Variants in MSRA observed in about 807,000 individuals in gnomAD.
MSRA encodes the protein mitochondrial peptide methionine sulfoxide reductase.
MSRA carries 54 observed loss-of-function variants against 31.3 expected under a neutral mutation model. The observed-to-expected ratio is 1.73, with a 90% CI of 1.39 to 2.17. The LOEUF is 2.17. MSRA is among the 30% of genes most tolerant of loss of function. MSRA has a pLI of 0.00. For missense variants in MSRA, 507 were observed against 300.9 expected (o/e 1.69, Z -5.07); for synonymous variants, 169 against 116.5 (o/e 1.45, Z -2.90).
Position 10,428,145 on chromosome 8 carries a change from C to G in MSRA, c.544-3C>G. The G allele has an allele frequency of 3.7e-6, 6 of 1,610,840 alleles. No individual in the cohort carries two copies. Among genetic ancestry groups the G allele is most frequent in the Non-Finnish European group, 5.1e-6 (6 of 1,179,180 alleles). ...CTGATGGCGCCTTTCTGTGTCCCCA[C>G]AGGTTCTTTCAGAGCACGGCTTCGG... On this transcript the variant is annotated splice_region_variant and splice_polypyrimidine_tract_variant and intron_variant, in intron 5 of 5. Transcript: ENST00000317173.
At chr8:10,349,859 G>T (rs1311078136) in intron 5 of MSRA, among the ~76,000 whole-genome samples, 1 of 152,226 alleles carries the variant, frequency 6.6e-6, no homozygotes, top group Non-Finnish European at 1.5e-5. Flanking sequence ...GAGGCTCACT[G>T]CTGCTAGCAT....
chr8:10,394,372 C>G (rs1276077851), intron 5 of MSRA, among the ~76,000 whole-genome samples: 3 of 152,140 alleles, frequency 2.0e-5, no homozygotes, highest in Non-Finnish European at 4.4e-5. Flanking sequence ...CCCTAGCCAC[C>G]CCACCCCAGC....
At chr8:10,082,855 C>T (rs958602355) in intron 1 of MSRA, among the ~76,000 whole-genome samples, 7 of 152,276 alleles carry the variant, frequency 4.6e-5, no homozygotes, top group African/African-American at 1.4e-4. Context: ...ACCAAAGTGC[C>T]GTGAACAGAG....
chr8:10,081,196 G>C (rs10097035), intron 1 of MSRA, among the ~76,000 whole-genome samples: 6 of 152,176 alleles, frequency 3.9e-5, no homozygotes, highest in African/African-American at 1.4e-4. Flanking sequence ...AGAACTAGGC[G>C]GATGGGGCAG....
chr8:10,111,596 T>C (rs1800287296), intron 1 of MSRA, among the ~76,000 whole-genome samples: 1 of 152,078 alleles, frequency 6.6e-6, no homozygotes, highest in African/African-American at 2.4e-5. Context: ...TATTTCCAAG[T>C]GGTTTAAAGG....
chr8:10,214,361 C>T (rs139599430), intron 2 of MSRA, among the ~76,000 whole-genome samples: 1 of 152,070 alleles, frequency 6.6e-6, no homozygotes. Context: ...CACAAGAAAT[C>T]GTTTCCTGTC....
chr8:10,428,868 A>T lies in MSRA; in HGVS notation c.*556A>T. The stretch of plus-strand genomic sequence containing the variant: ...CTATGAGAAATGTTTGTTTTAATAA[A>T]AACCTACAGTCCAATAATGCCAACT... On this transcript the variant is annotated 3_prime_UTR_variant, in exon 6 of 6. Coordinates refer to ENST00000317173, the MANE Select transcript of MSRA (RefSeq NM_012331.5). 6.5e-6 allele frequency: 1 copy of T among 153,062 alleles called. No individual in the cohort carries two copies. The highest frequency in any genetic ancestry group is 1.5e-5 in the Non-Finnish European group (1 of 68,606). The allele number at this position is 153,062 out of a possible 1,614,324, so 9.5% of individuals were successfully genotyped here.
chr8:10,145,887 G>A (rs1803100936), intron 1 of MSRA, among the ~76,000 whole-genome samples: 1 of 152,120 alleles, frequency 6.6e-6, no homozygotes, highest in Non-Finnish European at 1.5e-5. Flanking sequence ...CAATATCATT[G>A]TTTCATCATT....
intron 1 of MSRA, among the ~76,000 whole-genome samples, chr8:10,070,760 A>G (rs537994951): frequency 1.3e-5 from 2 of 151,890 alleles, no homozygotes; most frequent in East Asian, 3.9e-4. Context: ...ATAGTATGTA[A>G]CCTCTTGGGA....
In MSRA at chr8:10,302,187, A is replaced by G. The variant is rs114677739; in HGVS notation, c.436+549A>G. Among the ~76,000 whole-genome samples, 1,032 of 152,354 alleles carry G rather than the reference A, an allele frequency of 6.8e-3. 2 individuals are homozygous for G. Among genetic ancestry groups the G allele is most frequent in the South Asian group, 8.1e-3 (39 of 4,834 alleles). Reference sequence around the variant, plus strand: ...TCTTTGGAATTTGTTATGTGGAGATATTAATATATTTGGGCTATAAACAAT... The same window carrying G: ...TCTTTGGAATTTGTTATGTGGAGATGTTAATATATTTGGGCTATAAACAAT... On this transcript the variant is annotated intron_variant, in intron 4 of 5. Transcript: ENST00000317173.
chr8:10,074,058 CTTTTTTTTTTT>C (rs534642712), intron 1 of MSRA, among the ~76,000 whole-genome samples: 134 of 29,416 alleles, frequency 4.6e-3, no homozygotes, highest in Non-Finnish European at 6.5e-3. Flanking sequence ...AAGGGAGGTG[CTTTTTTTTTTT>C]TTTTTTTTTT....
intron 3 of MSRA, among the ~76,000 whole-genome samples, chr8:10,246,779 T>A (rs1797643943): frequency 2.0e-5 from 3 of 152,260 alleles, no homozygotes; most frequent in South Asian, 4.1e-4. Context: ...CTGATTCGTA[T>A]GGAGAATGTG....
At chr8:10,317,080 A>G (rs1311894088) in intron 4 of MSRA, among the ~76,000 whole-genome samples, 1 of 152,144 alleles carries the variant, frequency 6.6e-6, no homozygotes, top group Non-Finnish European at 1.5e-5. Flanking sequence ...TCATGCTAGT[A>G]GGAGTCACTC....
chr8:10,343,068 C>G (rs539542434), intron 5 of MSRA, among the ~76,000 whole-genome samples: 3 of 146,220 alleles, frequency 2.1e-5, no homozygotes, highest in Non-Finnish European at 4.5e-5. Context: ...CACACACACA[C>G]ACACACATTT....
At chr8:10,212,318 A>G (rs1044071228) in intron 2 of MSRA, among the ~76,000 whole-genome samples, 4 of 152,252 alleles carry the variant, frequency 2.6e-5, no homozygotes, top group Admixed American at 2.0e-4. Flanking sequence ...ATAAACCTGG[A>G]GGGTTTTAGG....
intron 5 of MSRA, among the ~76,000 whole-genome samples, chr8:10,385,182 G>C (rs1374067444): frequency 6.6e-6 from 1 of 152,180 alleles, no homozygotes; most frequent in Non-Finnish European, 1.5e-5. Flanking sequence ...AAGGGGGATT[G>C]TGGCTAAAGT....
intron 5 of MSRA, among the ~76,000 whole-genome samples, chr8:10,328,381 G>T (rs180830754): frequency 1.3e-5 from 2 of 151,586 alleles, no homozygotes; most frequent in African/African-American, 4.9e-5. Flanking sequence ...CAGATTAACA[G>T]ATTCTACCTC....
intron 3 of MSRA, among the ~76,000 whole-genome samples, chr8:10,258,259 CA>C (rs930557893): frequency 3.2e-4 from 48 of 152,080 alleles, no homozygotes; most frequent in African/African-American, 8.2e-4. Flanking sequence ...GTGTCTCTCT[CA>C]AAGAGAACAA....
intron 4 of MSRA, among the ~76,000 whole-genome samples, chr8:10,312,027 A>T (rs915244866): frequency 6.6e-6 from 1 of 152,218 alleles, no homozygotes; most frequent in Non-Finnish European, 1.5e-5. Context: ...TCGATAGGGC[A>T]TAGGTAAAGC....
Sources: gnomAD v4.1 joint callset for allele counts (sites outside exome capture counted in the v4.1 genomes callset) on GRCh38, gnomAD v4.1.1 for gene constraint, MANE v1.5 for transcripts, NCBI Gene and HGNC (gene_info 2026-07-23, HGNC 2026-07-21) for gene names.